The following DYNC2H1 variants were observed in gnomAD, a reference collection of about 807,000 sequenced individuals.
DYNC2H1 encodes dynein cytoplasmic 2 heavy chain 1, also known as cytoplasmic dynein 2 heavy chain 1.
Under a neutral mutation model 570.0 loss-of-function variants are expected in DYNC2H1, and 410 were observed. That is an observed-to-expected ratio of 0.72 (90% CI 0.66 to 0.78). The LOEUF is 0.78. DYNC2H1 is among the 30% of genes least tolerant of loss of function. The probability of loss-of-function intolerance (pLI) is 0.00; values close to 1 mark genes in which losing one functional copy is unlikely to be tolerated. For synonymous variants in DYNC2H1, 1,688 were observed against 1,677.6 expected (o/e 1.01, Z -0.15); for missense variants, 4,865 against 5,046.4 (o/e 0.96, Z 1.09).
chr11:103,178,621 T>TA (rs1371701051), intron 38 of DYNC2H1, among the ~76,000 whole-genome samples: 27 of 152,190 alleles, frequency 1.8e-4, no homozygotes, highest in African/African-American at 6.5e-4. Flanking sequence ...GTCACCTTTT[T>TA]ATATGTCAAG....
Position 103,321,025 on chromosome 11 carries a change from A to T in DYNC2H1, c.11726-4A>T, listed in dbSNP as rs768203794. 2.5e-6 allele frequency: 4 copies of T among 1,590,806 alleles called. No individual in the cohort carries two copies. Among genetic ancestry groups the T allele is most frequent in the Admixed American group, 1.8e-5 (1 of 56,186 alleles). ...AATTAATGAGTGTTTTTTTAAAATT[A>T]TAGGTGCCAAAGATGTACAATGGGA... is the stretch of plus-strand genomic sequence containing the variant. On this transcript the variant is annotated splice_region_variant and splice_polypyrimidine_tract_variant and intron_variant, in intron 80 of 88. Transcript: ENST00000375735.
intron 82 of DYNC2H1, among the ~76,000 whole-genome samples, chr11:103,346,198 G>T (rs1939736473): frequency 6.6e-6 from 1 of 152,146 alleles, no homozygotes; most frequent in Non-Finnish European, 1.5e-5. Context: ...AGCAGCTGTG[G>T]TTACTCATAT....
In DYNC2H1 at chr11:103,479,786, G is replaced by A. The variant is rs1203295524; in HGVS notation, c.*533G>A. ...ATATACTTATAACTAATATCTTAAG[G>A]TAATTCAAATAGGAATAATTCAGGT... is the stretch of plus-strand genomic sequence containing the variant. On this transcript the variant is annotated 3_prime_UTR_variant, in exon 89 of 89. Coordinates refer to ENST00000375735, the MANE Select transcript of DYNC2H1 (RefSeq NM_001377.3). The A allele has an allele frequency of 1.3e-5, 2 of 151,862 alleles. No individual in the cohort carries two copies. The highest frequency in any genetic ancestry group is 4.8e-5 in the African/African-American group (2 of 41,340). 9.4% of individuals were successfully genotyped at this position (151,862 alleles called of 1,614,324 possible).
At chr11:103,226,035 G>C (rs1591438318) in intron 59 of DYNC2H1, among the ~76,000 whole-genome samples, 1 of 151,938 alleles carries the variant, frequency 6.6e-6, no homozygotes, top group East Asian at 1.9e-4. Flanking sequence ...GTGTATAGCA[G>C]AGCTACTGAT....
At chr11:103,459,957 T>TA (rs1944951724) in intron 87 of DYNC2H1, among the ~76,000 whole-genome samples, 1 of 77,920 alleles carries the variant, frequency 1.3e-5, no homozygotes, top group African/African-American at 6.6e-5. Context: ...AGACTCCGTC[T>TA]CAAAAAAAAA....
In DYNC2H1 at chr11:103,256,012, A is replaced by G; in HGVS notation, c.10327-94A>G. On this transcript the variant is annotated intron_variant, in intron 67 of 88. Coordinates refer to ENST00000375735, the MANE Select transcript of DYNC2H1 (RefSeq NM_001377.3). The surrounding 1 kb of genome is among the most constrained non-coding windows in gnomAD (Gnocchi z 4.0). Reference sequence around the variant, plus strand: ...TTCTTCTAAAATAACATAAGTTGCCATAAACATCAAATGAATGACAGTTAA... The same window carrying G: ...TTCTTCTAAAATAACATAAGTTGCCGTAAACATCAAATGAATGACAGTTAA... 2 of 1,118,920 alleles carry G rather than the reference A, an allele frequency of 1.8e-6. No homozygotes were observed. Among genetic ancestry groups the G allele is most frequent in the South Asian group, 3.8e-5 (2 of 52,646 alleles). The allele number at this position is 1,118,920 out of a possible 1,614,324, so 69.3% of individuals were successfully genotyped here. A position where few individuals can be genotyped will look rare whatever the true frequency, so the allele number is the denominator to read the frequency against.
chr11:103,236,395 G>A (rs1236689222), intron 62 of DYNC2H1, 35 bp from the exon 63 acceptor site: 17 of 1,197,624 alleles, frequency 1.4e-5, no homozygotes, highest in Non-Finnish European at 2.0e-5. Flanking sequence ...GTACAAGATC[G>A]TTGTGAAGTA....
rs2135321164 is a variant in DYNC2H1 at position 103,275,336 on chromosome 11, T to TA, written c.10696-5011dup. Among the ~76,000 whole-genome samples, 2 of 152,306 alleles carry TA rather than the reference T, an allele frequency of 1.3e-5. No individual in the cohort carries two copies. Among genetic ancestry groups the TA allele is most frequent in the African/African-American group, 2.4e-5 (1 of 41,576 alleles). On this transcript the variant is annotated intron_variant, in intron 70 of 88. Coordinates refer to ENST00000375735, the MANE Select transcript of DYNC2H1 (RefSeq NM_001377.3). This position sits in a 1 kb window ranked among gnomAD's most constrained non-coding sequence, Gnocchi z 4.8. ...GTACACTTGTTAAAACTGTTCAACT[T>TA]ACATTGACACATCCTAATCACCTGA...
chr11:103,424,304 C>CTTGA (rs1943591747), intron 84 of DYNC2H1, among the ~76,000 whole-genome samples: 2 of 152,012 alleles, frequency 1.3e-5, no homozygotes, highest in Admixed American at 1.3e-4. Context: ...TGCACACTAG[C>CTTGA]TTGATTGGTT....
chr11:103,162,912 C>T (rs754824865), intron 29 of DYNC2H1, 116 bp from the exon 30 acceptor site: 49 of 830,298 alleles, frequency 5.9e-5, no homozygotes, highest in Middle Eastern at 3.9e-4. Context: ...TATAATACCC[C>T]GTCTTGAAAT....
intron 32 of DYNC2H1, among the ~76,000 whole-genome samples, 173 bp from the exon 33 acceptor site, chr11:103,169,935 C>T (rs1324441580): frequency 1.3e-5 from 2 of 152,098 alleles, no homozygotes; most frequent in Non-Finnish European, 2.9e-5. Flanking sequence ...TTGATTTCAG[C>T]TTGTGTTTAG....
chr11:103,205,952 C>T lies in DYNC2H1; in HGVS notation c.8454+988C>T, dbSNP rs896066074. Among the ~76,000 whole-genome samples, 33 of 152,264 alleles carry T rather than the reference C, an allele frequency of 2.2e-4. No homozygotes were observed. Among genetic ancestry groups the T allele is most frequent in the Middle Eastern group, 3.4e-3 (1 of 294 alleles). ...TCAGCTTTTCCTGAGAACTAACTTA[C>T]TTTTGGATGCTTTCGAACAGAAATA... On this transcript the variant is annotated intron_variant, in intron 52 of 88. Transcript: ENST00000375735. This position sits in a 1 kb window ranked among gnomAD's most constrained non-coding sequence, Gnocchi z 4.5.
intron 65 of DYNC2H1, among the ~76,000 whole-genome samples, chr11:103,251,862 G>A (rs1487056266): frequency 5.9e-5 from 9 of 151,986 alleles, no homozygotes; most frequent in Admixed American, 2.6e-4. Context: ...TTTTATGACC[G>A]AACATTATTC....
At chr11:103,174,933 TG>T (rs1418601695) in intron 36 of DYNC2H1, among the ~76,000 whole-genome samples, 1 of 2,480 alleles carries the variant, frequency 4.0e-4, no homozygotes, top group Admixed American at 6.4e-3. Flanking sequence ...TTGCGGGGTT[TG>T]GGGGGGTGGG....
intron 59 of DYNC2H1, among the ~76,000 whole-genome samples, chr11:103,227,448 A>C (rs1447385833): frequency 6.6e-6 from 1 of 152,198 alleles, no homozygotes; most frequent in African/African-American, 2.4e-5. Flanking sequence ...CCCAACAATC[A>C]TTCAGGAGCA....
At chr11:103,417,346 C>G (rs903526788) in intron 84 of DYNC2H1, among the ~76,000 whole-genome samples, 1 of 152,060 alleles carries the variant, frequency 6.6e-6, no homozygotes, top group Non-Finnish European at 1.5e-5. Flanking sequence ...CATGATCTGT[C>G]TGCCTCAGCC....
At chr11:103,282,033 G>T in intron 71 of DYNC2H1, 146 bp from the exon 72 acceptor site, 47 of 550,544 alleles carry the variant, frequency 8.5e-5, no homozygotes, top group Admixed American at 1.0e-4. Flanking sequence ...TCTTGATAAT[G>T]TTAACATACT....
chr11:103,347,596 C>G (rs879867403), intron 82 of DYNC2H1, among the ~76,000 whole-genome samples: 2 of 152,020 alleles, frequency 1.3e-5, no homozygotes, highest in African/African-American at 2.4e-5. Flanking sequence ...CTTTGGGTTT[C>G]TTTGAAAATG....
At chr11:103,348,557 C>T (rs887171786) in intron 82 of DYNC2H1, among the ~76,000 whole-genome samples, 3 of 152,002 alleles carry the variant, frequency 2.0e-5, no homozygotes, top group African/African-American at 4.8e-5. Flanking sequence ...GTTAAGTGTT[C>T]GGTTTTCTTT....
Sources: gnomAD v4.1 joint callset for allele counts (sites outside exome capture counted in the v4.1 genomes callset) on GRCh38, gnomAD v4.1.1 for gene constraint, Gnocchi (gnomAD v3.1) non-coding constraint, MANE v1.5 for transcripts, NCBI Gene and HGNC (gene_info 2026-07-23, HGNC 2026-07-21) for gene names.